Variants in TPST1 observed in about 807,000 individuals in gnomAD.
TPST1 encodes tyrosylprotein sulfotransferase 1, also known as protein-tyrosine sulfotransferase 1.
A neutral mutation model predicts 34.8 loss-of-function variants in TPST1; 20 were observed. The observed-to-expected ratio is 0.57, with a 90% CI of 0.40 to 0.84. TPST1 has a LOEUF of 0.84. Among genes scored for constraint, TPST1 ranks in the 40% least tolerant of loss-of-function variants. The pLI, the probability that TPST1 is intolerant of heterozygous loss-of-function variation, is 0.00. For synonymous variants in TPST1, 152 were observed against 159.4 expected (o/e 0.95, Z 0.35); for missense variants, 353 against 455.5 (o/e 0.78, Z 2.05).
intron 2 of TPST1, among the ~76,000 whole-genome samples, chr7:66,242,522 A>G (rs1173011098): frequency 6.6e-6 from 1 of 152,170 alleles, no homozygotes; most frequent in Non-Finnish European, 1.5e-5. Flanking sequence ...ATGACATACC[A>G]TCATTGTAGT....
intron 2 of TPST1, among the ~76,000 whole-genome samples, chr7:66,267,864 C>T (rs1790622390): frequency 6.6e-6 from 1 of 152,186 alleles, no homozygotes; most frequent in Non-Finnish European, 1.5e-5. Flanking sequence ...AATGCATACA[C>T]ATATTGTACA....
intron 4 of TPST1, among the ~76,000 whole-genome samples, chr7:66,355,964 A>G: frequency 6.6e-6 from 1 of 151,292 alleles, no homozygotes; most frequent in Non-Finnish European, 1.5e-5. Flanking sequence ...CTGAGGCAGG[A>G]TGATCTGTTA....
At chr7:66,283,442 T>C (rs1380393010) in intron 2 of TPST1, among the ~76,000 whole-genome samples, 4 of 152,104 alleles carry the variant, frequency 2.6e-5, no homozygotes, top group Admixed American at 2.6e-4. Flanking sequence ...TATTTTAGAT[T>C]TTGCAAGCCA....
intron 3 of TPST1, among the ~76,000 whole-genome samples, chr7:66,313,667 G>A (rs1195526085): frequency 2.0e-5 from 3 of 152,092 alleles, no homozygotes; most frequent in Non-Finnish European, 4.4e-5. Context: ...TACAGTAGTG[G>A]AGCAATATTC....
intron 3 of TPST1, among the ~76,000 whole-genome samples, chr7:66,302,433 GTC>G (rs1459964277): frequency 2.0e-5 from 3 of 152,142 alleles, no homozygotes; most frequent in African/African-American, 7.2e-5. Flanking sequence ...ATCTCTTTCT[GTC>G]TCTCACTGTG....
At chr7:66,351,851 TTTACTC>T (rs1446286283) in intron 3 of TPST1, among the ~76,000 whole-genome samples, 1 of 152,186 alleles carries the variant, frequency 6.6e-6, no homozygotes, top group Non-Finnish European at 1.5e-5. Flanking sequence ...CTTTTATTGA[TTTACTC>T]TTACATATTC....
intron 3 of TPST1, among the ~76,000 whole-genome samples, chr7:66,350,842 G>C (rs138901807): frequency 6.6e-6 from 1 of 151,646 alleles, no homozygotes; most frequent in Non-Finnish European, 1.5e-5. Flanking sequence ...TTTTTTTGCT[G>C]TTGCAAAGTG....
intron 2 of TPST1, among the ~76,000 whole-genome samples, chr7:66,244,503 C>T (rs991321088): frequency 6.6e-5 from 10 of 152,170 alleles, no homozygotes; most frequent in Admixed American, 6.5e-5. Flanking sequence ...GCATCTCTTG[C>T]GTCTCTGGGC....
At chr7:66,308,599 A>G (rs1304022744) in intron 3 of TPST1, among the ~76,000 whole-genome samples, 2 of 152,060 alleles carry the variant, frequency 1.3e-5, no homozygotes, top group Admixed American at 6.6e-5. Context: ...CCATGTGCCC[A>G]TTGTTTCTGT....
At chr7:66,254,631 T>A (rs1790345723) in intron 2 of TPST1, among the ~76,000 whole-genome samples, 1 of 152,162 alleles carries the variant, frequency 6.6e-6, no homozygotes, top group African/African-American at 2.4e-5. Context: ...CTCAAACTAC[T>A]GAACTCAGGT....
At chr7:66,214,810 A>G (rs1789353991) in intron 1 of TPST1, among the ~76,000 whole-genome samples, 1 of 150,128 alleles carries the variant, frequency 6.7e-6, no homozygotes, top group Admixed American at 6.7e-5. Flanking sequence ...GCCTAAAAAA[A>G]AAGCCACCAA....
chr7:66,303,935 A>G (rs1266441665), intron 3 of TPST1, among the ~76,000 whole-genome samples: 1 of 152,174 alleles, frequency 6.6e-6, no homozygotes, highest in Admixed American at 6.6e-5. Context: ...CTCAGCTCAC[A>G]AGGATTCTGC....
At chr7:66,293,221 A>G (rs1791123751) in intron 3 of TPST1, among the ~76,000 whole-genome samples, 1 of 151,976 alleles carries the variant, frequency 6.6e-6, no homozygotes, top group Non-Finnish European at 1.5e-5. Flanking sequence ...AAAAAAAGAA[A>G]AACTTGGGCC....
chr7:66,328,906 A>ATTTTTTTTTT (rs1172711561), intron 3 of TPST1, among the ~76,000 whole-genome samples: 3 of 13,158 alleles, frequency 2.3e-4, no homozygotes, highest in South Asian at 2.8e-3. Flanking sequence ...ATATATATAT[A>ATTTTTTTTTT]TTTTTTTTTT....
chr7:66,210,259 AATACAGGAAAAT>A lies in TPST1; in HGVS notation c.-102+4739_-102+4750del, dbSNP rs1413871339. On this transcript the variant is annotated intron_variant, in intron 1 of 5. Transcript: ENST00000304842. Reference sequence around the variant, plus strand: ...GGTGGTTCTGTTCATCCAGGTAGGAAATACAGGAAAATAAACAAATTTTGAGGGAAAAGGAGG... The same window carrying A: ...GGTGGTTCTGTTCATCCAGGTAGGAAAAACAAATTTTGAGGGAAAAGGAGG... 9.8e-5 allele frequency among the ~76,000 whole-genome samples: 15 copies of A among 152,298 alleles called. No homozygotes were observed. In the South Asian group the frequency reaches 1.4e-3, roughly 15 times the overall value.
chr7:66,335,026 G>A (rs745815360), intron 3 of TPST1, among the ~76,000 whole-genome samples: 11 of 152,150 alleles, frequency 7.2e-5, no homozygotes, highest in Non-Finnish European at 1.5e-4. Flanking sequence ...CTAATTAGCC[G>A]AGACACCCTA....
chr7:66,286,738 A>G, intron 3 of TPST1, 29 bp downstream of exon 3: 2 of 1,435,676 alleles, frequency 1.4e-6, no homozygotes, highest in South Asian at 1.7e-5. Flanking sequence ...AGCAACTGAG[A>G]AAACTAGATT....
chr7:66,234,400 T>TACACACACACAGACACACAC (rs561856939), intron 1 of TPST1, among the ~76,000 whole-genome samples: 69 of 142,850 alleles, frequency 4.8e-4, no homozygotes, highest in African/African-American at 1.8e-3. Context: ...AAAGCATGGC[T>TACACACACACAGACACACAC]ACACACACAC....
intron 2 of TPST1, among the ~76,000 whole-genome samples, chr7:66,253,520 T>C (rs1217491695): frequency 2.0e-5 from 3 of 151,760 alleles, no homozygotes; most frequent in African/African-American, 7.3e-5. Flanking sequence ...TACAGGCGTG[T>C]GCCACCATGC....
Sources: gnomAD v4.1 joint callset for allele counts (sites outside exome capture counted in the v4.1 genomes callset) on GRCh38, gnomAD v4.1.1 for gene constraint, MANE v1.5 for transcripts, NCBI Gene and HGNC (gene_info 2026-07-23, HGNC 2026-07-21) for gene names.